ADCY8: variants seen among roughly 807,000 people sequenced by gnomAD.
ADCY8 encodes adenylate cyclase type 8.
A neutral mutation model predicts 119.7 loss-of-function variants in ADCY8; 51 were observed. That is an observed-to-expected ratio of 0.43 (90% CI 0.34 to 0.54). The LOEUF (loss-of-function observed/expected upper bound fraction) is 0.54, where lower values mean the gene tolerates loss of function less well. Among genes scored for constraint, ADCY8 ranks in the 20% least tolerant of loss-of-function variants. The probability of loss-of-function intolerance (pLI) is 0.03; values close to 1 mark genes in which losing one functional copy is unlikely to be tolerated. For missense variants in ADCY8, 1,383 were observed against 1,598.8 expected, an observed-to-expected ratio of 0.87 and a Z score of 2.30; for synonymous variants, 665 against 651.0, an observed-to-expected ratio of 1.02 and a Z score of -0.33.
At chr8:130,872,943 A>G (rs1322161554) in intron 8 of ADCY8, among the ~76,000 whole-genome samples, 2 of 152,244 alleles carry the variant, frequency 1.3e-5, no homozygotes, top group Non-Finnish European at 2.9e-5. Flanking sequence ...ATTATCTTGA[A>G]AGACATATTC....
At chr8:131,037,590 A>G (rs1824199751) in intron 1 of ADCY8, among the ~76,000 whole-genome samples, 1 of 152,212 alleles carries the variant, frequency 6.6e-6, no homozygotes. Context: ...ATGATCAGAT[A>G]GCTATGCTTT....
At chr8:130,781,406 T>A (rs1311565492) in intron 17 of ADCY8, among the ~76,000 whole-genome samples, 2 of 152,126 alleles carry the variant, frequency 1.3e-5, no homozygotes, top group Admixed American at 1.3e-4. Flanking sequence ...CTTGAGCTCA[T>A]CCTCCACACT....
intron 5 of ADCY8, among the ~76,000 whole-genome samples, chr8:130,936,745 T>C (rs902401451): frequency 4.6e-5 from 7 of 152,218 alleles, no homozygotes; most frequent in Non-Finnish European, 8.8e-5. Context: ...TATTCATTCA[T>C]TCATTCTTTC....
intron 5 of ADCY8, among the ~76,000 whole-genome samples, chr8:130,932,565 A>G (rs981849348): frequency 2.0e-5 from 3 of 152,256 alleles, no homozygotes; most frequent in Non-Finnish European, 2.9e-5. Context: ...GTAATATAAT[A>G]TAAATTTGTC....
intron 1 of ADCY8, among the ~76,000 whole-genome samples, chr8:131,018,685 T>G (rs1823558194): frequency 6.6e-6 from 1 of 152,192 alleles, no homozygotes; most frequent in African/African-American, 2.4e-5. Context: ...ATTATCCCAT[T>G]TTATAGATGA....
At chr8:130,780,928 G>T (rs1325358722) in intron 17 of ADCY8, 51 bp from the exon 18 acceptor site, 1 of 1,590,566 alleles carries the variant, frequency 6.3e-7, no homozygotes, top group Non-Finnish European at 8.6e-7. Context: ...GGGGGACAAT[G>T]GGGTGTTTGG....
rs1192873274 is a variant in ADCY8 at position 130,910,863 on chromosome 8, A to T, written c.1482-997T>A. ...GTATTTTGAACAATTTTAGTTTATG[A>T]TTAAATGATGTCATTTATGCAGAAA... On this transcript the variant is annotated intron_variant, in intron 5 of 17. Coordinates refer to ENST00000286355, the MANE Select transcript of ADCY8 (RefSeq NM_001115.3). 3.9e-5 allele frequency among the ~76,000 whole-genome samples: 6 copies of T among 152,356 alleles called. No homozygotes were observed. The East Asian group carries it at 7.7e-4, about 20-fold the overall frequency.
intron 1 of ADCY8, among the ~76,000 whole-genome samples, chr8:131,005,823 C>T (rs1018505268): frequency 6.6e-6 from 1 of 152,186 alleles, no homozygotes; most frequent in Admixed American, 6.5e-5. Context: ...AAACAGCTTC[C>T]TCTGCAGCTA....
chr8:130,905,148 C>T lies in ADCY8; in HGVS notation c.1641-1106G>A, dbSNP rs190362220. 5.3e-5 allele frequency among the ~76,000 whole-genome samples: 8 copies of T among 152,262 alleles called. No homozygotes were observed. In the East Asian group the frequency reaches 1.5e-3, roughly 29 times the overall value. On this transcript the variant is annotated intron_variant, in intron 6 of 17. Coordinates refer to ENST00000286355, the MANE Select transcript of ADCY8 (RefSeq NM_001115.3). ...AAGGTAGTCAAAACAGTGCATGGTA[C>T]AACATATACACTATAAAAGCAAATA... is the stretch of plus-strand genomic sequence containing the variant.
intron 4 of ADCY8, among the ~76,000 whole-genome samples, chr8:130,941,899 G>A (rs546332298): frequency 6.6e-6 from 1 of 152,316 alleles, no homozygotes; most frequent in South Asian, 2.1e-4. Context: ...TATAAATTAT[G>A]TATAATAAAA....
In ADCY8 at chr8:130,904,040, C is replaced by A; in HGVS notation, c.1643G>T (p.Arg548Met). 1 of 1,611,596 alleles carries A rather than the reference C, an allele frequency of 6.2e-7. No homozygotes were observed. The highest frequency in any genetic ancestry group is 1.3e-5 in the African/African-American group (1 of 75,008). Residue 548 changes from arginine to methionine, a missense_variant and splice_region_variant, in exon 7 of 18, where the codon AGG becomes ATG. By Grantham distance (91) the Arg-to-Met change is moderately conservative. This residue lies in a region of ADCY8 where 928 missense variants were observed against 1,163.5 expected (regional missense o/e 0.80). Coordinates refer to ENST00000286355, the MANE Select transcript of ADCY8 (RefSeq NM_001115.3). ...NKLESGGIPG[R>M]IHISKATLDC... ...CAGCGTGGCTTTGGAAATGTGAATC[C>A]TCCTGTGTGTAGAAGGCATAGGTCA... is the stretch of plus-strand genomic sequence containing the variant.
chr8:130,825,249 T>G (rs551599521), intron 12 of ADCY8, among the ~76,000 whole-genome samples: 5 of 152,304 alleles, frequency 3.3e-5, no homozygotes, highest in East Asian at 3.9e-4. Context: ...TATTGTCAAT[T>G]ATAGTCACCC....
chr8:130,804,635 T>C (rs532670448), intron 14 of ADCY8, among the ~76,000 whole-genome samples: 1 of 152,312 alleles, frequency 6.6e-6, no homozygotes, highest in East Asian at 1.9e-4. Flanking sequence ...CACTTTGGTT[T>C]ATGCCCTGTG....
rs763475275 is a variant in ADCY8, at chr8:130,780,595, C to T, written c.3551G>A (p.Arg1184Lys). ...CAGGGAGTACTGCCCAGGCAGTCTT[C>T]TTGGGGGCAAGATGAATGGGTTGGG... Reference protein sequence around the residue: ...VQPNPFILPPRRLPGQYSLAA... With the variant: ...VQPNPFILPPKRLPGQYSLAA... The change falls in exon 18 of 18, where the codon AGA (arginine) becomes AAA (lysine). Residue 1184 changes from arginine (R) to lysine (K), a missense_variant. By Grantham distance (26) the Arg-to-Lys change is conservative. Transcript: ENST00000286355. 4.3e-6 allele frequency: 7 copies of T among 1,614,086 alleles called. No homozygotes were observed. The Admixed American group carries it at 6.7e-5, about 15-fold the overall frequency.
At chr8:131,000,398 G>A (rs1822905705) in intron 1 of ADCY8, among the ~76,000 whole-genome samples, 1 of 152,170 alleles carries the variant, frequency 6.6e-6, no homozygotes, top group South Asian at 2.1e-4. Flanking sequence ...ATATATGCAG[G>A]TAAACGAGCC....
intron 1 of ADCY8, among the ~76,000 whole-genome samples, chr8:131,010,267 TG>T (rs1823259710): frequency 6.6e-6 from 1 of 152,196 alleles, no homozygotes; most frequent in African/African-American, 2.4e-5. Context: ...TTAGTATCAA[TG>T]TTAATAAATT....
intron 14 of ADCY8, among the ~76,000 whole-genome samples, chr8:130,811,092 AGG>A (rs1816149793): frequency 6.6e-6 from 1 of 152,156 alleles, no homozygotes; most frequent in Non-Finnish European, 1.5e-5. Flanking sequence ...CACTGACCTT[AGG>A]GAGCCTTGAG....
Position 130,951,975 on chromosome 8 carries a change from G to C in ADCY8, c.1134C>G (p.Leu378=), listed in dbSNP as rs1040498305. 1 of 1,614,030 alleles carries C rather than the reference G, an allele frequency of 6.2e-7. No homozygotes were observed. Among genetic ancestry groups the C allele is most frequent in the East Asian group, 2.2e-5 (1 of 44,878 alleles). Residue 378 remains leucine, a synonymous_variant, in exon 3 of 18, where the codon CTC becomes CTG. Coordinates refer to ENST00000286355, the MANE Select transcript of ADCY8 (RefSeq NM_001115.3). ...TCATTTCCAGGACAACAAACCGGGG[G>C]AGCACAGAAAGCACGAGCCGCTCCT... is the stretch of plus-strand genomic sequence containing the variant. ...QRQERLVLSV[L]PRFVVLEMIN... is the part of the protein sequence containing the mutation.
chr8:130,836,237 A>C, intron 12 of ADCY8, 40 bp downstream of exon 12: 3 of 1,560,094 alleles, frequency 1.9e-6, no homozygotes, highest in Non-Finnish European at 2.6e-6. Context: ...TTCCCACAGG[A>C]AGTTGAGCAC....
Sources: gnomAD v4.1 joint callset for allele counts (sites outside exome capture counted in the v4.1 genomes callset) on GRCh38, gnomAD v4.1.1 for gene constraint, gnomAD v4.1.1 regional missense constraint, MANE v1.5 for transcripts, NCBI Gene and HGNC (gene_info 2026-07-23, HGNC 2026-07-21) for gene names.